POU5F1B: variants seen among roughly 807,000 people sequenced by gnomAD.
POU5F1B encodes the protein POU domain, class 5, transcription factor 1B.
Under a neutral mutation model 28.1 loss-of-function variants are expected in POU5F1B, and 24 were observed. That is an observed-to-expected ratio of 0.85 (90% confidence interval 0.62 to 1.20). POU5F1B has a LOEUF of 1.20. Among genes scored for constraint, POU5F1B ranks in the 50% most tolerant of loss-of-function variants. The probability of loss-of-function intolerance (pLI) is 0.00; values close to 1 mark genes in which losing one functional copy is unlikely to be tolerated. For missense variants in POU5F1B, 451 were observed against 451.5 expected, an observed-to-expected ratio of 1.00 and a Z score of 0.01; for synonymous variants, 220 against 193.2, an observed-to-expected ratio of 1.14 and a Z score of -1.15.
At chr8:127,417,119 A>G in exon 3 of POU5F1B, 3 of 879,544 alleles carry the variant, frequency 3.4e-6, no homozygotes, top group Non-Finnish European at 5.2e-6. Context: ...GGGAAGGTGA[A>G]GTTCAATGAT....
chr8:127,416,286 A>T, exon 3 of POU5F1B: 1 of 1,613,862 alleles, frequency 6.2e-7, no homozygotes, highest in Non-Finnish European at 8.5e-7. Context: ...AGGACATCAA[A>T]GCTCTGCAGA....
exon 3 of POU5F1B, chr8:127,416,905 G>T: frequency 1.2e-6 from 2 of 1,600,708 alleles, no homozygotes; most frequent in Non-Finnish European, 1.7e-6. Context: ...CTTTCCCCCA[G>T]TCTCCGTCAT....
At chr8:127,416,237 T>C (rs751452457) in exon 3 of POU5F1B, 7 of 1,613,796 alleles carry the variant, frequency 4.3e-6, no homozygotes, top group Non-Finnish European at 4.2e-6. Context: ...GCCGTGAAGC[T>C]GGAGAAGGAG....
Position 127,416,078 on chromosome 8 carries a change from G to C in POU5F1B, c.212G>C (p.Gly71Ala), listed in dbSNP as rs761899644. The C allele has an allele frequency of 6.4e-5, 103 of 1,612,612 alleles. No individual in the cohort carries two copies. Among genetic ancestry groups the C allele is most frequent in the Non-Finnish European group, 8.6e-5 (102 of 1,179,736 alleles). The stretch of plus-strand genomic sequence containing the variant: ...TGCCCCCCGCCGTATGAGTTATGTG[G>C]GGGGATGGCGTACTGTGGGCCTCAG... The change falls in exon 3 of 3, where the codon GGG (glycine) becomes GCG (alanine). Residue 71 changes from glycine (G) to alanine (A), a missense_variant. This residue lies in a region of POU5F1B where 233 missense variants were observed against 210.7 expected (regional missense o/e 1.11). Coordinates refer to ENST00000465342, the Ensembl canonical transcript of POU5F1B.
At chr8:127,416,342 C>A in exon 3 of POU5F1B, 1 of 1,612,462 alleles carries the variant, frequency 6.2e-7, no homozygotes, top group South Asian at 1.1e-5. Flanking sequence ...AAGAGGATCA[C>A]CCTGGGATAT....
At chr8:127,414,522 G>C (rs1815102533) in intron 1 of POU5F1B, among the ~76,000 whole-genome samples, 1 of 152,178 alleles carries the variant, frequency 6.6e-6, no homozygotes. Context: ...GTGAAGATTT[G>C]ATATGATCAT....
exon 3 of POU5F1B, chr8:127,417,194 T>TAAAAAAAAA (rs71303488): frequency 5.2e-5 from 13 of 248,318 alleles, no homozygotes; most frequent in African/African-American, 6.0e-5. Context: ...TGGGACACAG[T>TAAAAAAAAA]AAAAAAAAAA....
exon 3 of POU5F1B, chr8:127,416,218 C>T (rs760289677): frequency 7.4e-6 from 12 of 1,613,766 alleles, no homozygotes; most frequent in Admixed American, 1.7e-5. Flanking sequence ...CTGCACCGTC[C>T]CCCCTGGTGC....
exon 3 of POU5F1B, chr8:127,417,194 T>TAAAAAAAAAAAAAA (rs71303488): frequency 9.0e-6 from 2 of 223,394 alleles, no homozygotes; most frequent in Non-Finnish European, 1.6e-5. Flanking sequence ...TGGGACACAG[T>TAAAAAAAAAAAAAA]AAAAAAAAAA....
In POU5F1B at chr8:127,416,221, C is replaced by A. The variant is rs182632506; in HGVS notation, c.355C>A (p.Pro119Thr). Residue 119 changes from proline to threonine, a missense_variant, in exon 3 of 3, where the codon CCT becomes ACT. Physicochemically the swap from Pro to Thr is conservative, Grantham distance 38. Coordinates refer to ENST00000465342, the Ensembl canonical transcript of POU5F1B. ...CTCCCCGGAACCCTGCACCGTCCCC[C>A]CTGGTGCCGTGAAGCTGGAGAAGGA... 8.9e-5 allele frequency: 143 copies of A among 1,613,888 alleles called. No homozygotes were observed. Among genetic ancestry groups the A allele is most frequent in the Middle Eastern group, 3.3e-4 (2 of 6,042 alleles).
chr8:127,414,373 C>G (rs1464031846), intron 1 of POU5F1B, among the ~76,000 whole-genome samples: 2 of 152,180 alleles, frequency 1.3e-5, no homozygotes, highest in Non-Finnish European at 2.9e-5. Context: ...TGTTCTGACT[C>G]AGACACATAT....
In POU5F1B at chr8:127,416,216, TC is replaced by T. The variant is rs763078225; in HGVS notation, c.356del (p.Pro119LeufsTer4). The T allele has an allele frequency of 9.3e-6, 15 of 1,613,352 alleles. No individual in the cohort carries two copies. Among genetic ancestry groups the T allele is most frequent in the Admixed American group, 1.7e-5 (1 of 59,956 alleles). On this transcript the variant is annotated frameshift_variant, in exon 3 of 3. Transcript: ENST00000465342. LOFTEE classifies it high-confidence loss of function. ...GGGGCCTCCCCGGAACCCTGCACCG[TC>T]CCCCCTGGTGCCGTGAAGCTGGAGA...
chr8:127,417,064 G>A (rs1815157793), exon 3 of POU5F1B: 3 of 1,414,778 alleles, frequency 2.1e-6, no homozygotes, highest in East Asian at 5.0e-5. Flanking sequence ...AAGGAATTGG[G>A]AACACTAAGG....
chr8:127,414,397 A>G (rs545928432), intron 1 of POU5F1B, among the ~76,000 whole-genome samples: 20 of 152,254 alleles, frequency 1.3e-4, no homozygotes, highest in South Asian at 4.2e-4. Context: ...AGAGGTAGAG[A>G]GGGGAGAAGA....
At chr8:127,414,608 T>C (rs1815103351) in intron 1 of POU5F1B, among the ~76,000 whole-genome samples, 1 of 152,258 alleles carries the variant, frequency 6.6e-6, no homozygotes, top group African/African-American at 2.4e-5. Context: ...GCCTGTCTTA[T>C]TCTAAAGCCC....
chr8:127,416,502 C>A (rs778975553), exon 3 of POU5F1B: 2 of 1,609,266 alleles, frequency 1.2e-6, no homozygotes, highest in Non-Finnish European at 1.7e-6. Context: ...AGGAAGCTGA[C>A]AACAATGAAA....
At chr8:127,415,322 T>C (rs890437312) in intron 2 of POU5F1B, 3 of 152,850 alleles carry the variant, frequency 2.0e-5, no homozygotes, top group African/African-American at 7.2e-5. Context: ...TAGAGTGCTA[T>C]TTCCCGTCAC....
intron 2 of POU5F1B, among the ~76,000 whole-genome samples, chr8:127,415,244 T>A (rs1815111885): frequency 6.6e-6 from 1 of 152,250 alleles, no homozygotes; most frequent in African/African-American, 2.4e-5. Context: ...GATAAACAAC[T>A]AATACACCCA....
chr8:127,415,191 T>C (rs771508072), intron 2 of POU5F1B, among the ~76,000 whole-genome samples: 3 of 152,232 alleles, frequency 2.0e-5, no homozygotes, highest in Non-Finnish European at 4.4e-5. Context: ...TATGTGTTAG[T>C]TGTTTTTAAG....
Sources: gnomAD v4.1 joint callset for allele counts (sites outside exome capture counted in the v4.1 genomes callset) on GRCh38, gnomAD v4.1.1 for gene constraint, gnomAD v4.1.1 regional missense constraint, MANE v1.5 for transcripts, NCBI Gene and HGNC (gene_info 2026-07-23, HGNC 2026-07-21) for gene names.